The following MAP1LC3A variants were observed in gnomAD, a reference collection of about 807,000 sequenced individuals.
MAP1LC3A encodes microtubule-associated protein 1 light chain 3 alpha.
Under a neutral mutation model 15.2 loss-of-function variants are expected in MAP1LC3A, and 10 were observed. That is an observed-to-expected ratio of 0.66 (90% CI 0.41 to 1.12). The LOEUF (loss-of-function observed/expected upper bound fraction) is 1.12, where lower values mean the gene tolerates loss of function less well. Ranked by LOEUF, MAP1LC3A falls within the 50% of genes most tolerant of loss-of-function variation. The pLI is 0.00. For synonymous variants in MAP1LC3A, 63 were observed against 64.3 expected, an observed-to-expected ratio of 0.98 and a Z score of 0.10; for missense variants, 138 against 167.3, an observed-to-expected ratio of 0.82 and a Z score of 0.97.
At chr20:34,548,809 A>C (rs1251508711) in intron 1 of MAP1LC3A, among the ~76,000 whole-genome samples, 1 of 143,900 alleles carries the variant, frequency 6.9e-6, no homozygotes, top group Non-Finnish European at 1.5e-5. Context: ...GGGTTCAAGC[A>C]ATTCTCCTGC....
chr20:34,558,902 A>G lies in MAP1LC3A; in HGVS notation c.34A>G (p.Ser12Gly). The change falls in exon 1 of 4, where the codon AGC becomes GGC. Residue 12 changes from serine (S) to glycine (G), a missense_variant. By Grantham distance (56) the Ser-to-Gly change is moderately conservative (BLOSUM62 0). Transcript: ENST00000360668. This position sits in a 1 kb window ranked among gnomAD's most constrained non-coding sequence, Gnocchi z 4.3. ...PSDRPFKQRR[S>G]FADRCKEVQQ... is the part of the protein sequence containing the mutation. Reference sequence around the variant, plus strand: ...AGACCGGCCTTTCAAGCAGCGGCGGAGCTTCGGTGAGGCCCGGCAGGCGAG... The same window carrying G: ...AGACCGGCCTTTCAAGCAGCGGCGGGGCTTCGGTGAGGCCCGGCAGGCGAG... 3 of 1,410,626 alleles carry G rather than the reference A, an allele frequency of 2.1e-6. No homozygotes were observed. Among genetic ancestry groups the G allele is most frequent in the East Asian group, 3.1e-5 (1 of 32,526 alleles). 87.4% of individuals were successfully genotyped at this position (1,410,626 alleles called of 1,614,324 possible).
chr20:34,552,915 A>C (rs1982000684), intron 2 of MAP1LC3A, among the ~76,000 whole-genome samples: 1 of 152,250 alleles, frequency 6.6e-6, no homozygotes, highest in Admixed American at 6.5e-5. Flanking sequence ...GAGGCCGGGC[A>C]CAATGGCTCA....
At chr20:34,557,662 C>G (rs1405739672), upstream of MAP1LC3A, among the ~76,000 whole-genome samples, 2 of 152,192 alleles carry the variant, frequency 1.3e-5, no homozygotes, top group African/African-American at 4.8e-5. Context: ...CGTGGTGGCT[C>G]ACACCTGTAA....
At chr20:34,547,416 CCTT>C (rs1043777588) in intron 1 of MAP1LC3A, among the ~76,000 whole-genome samples, 10 of 144,810 alleles carry the variant, frequency 6.9e-5, no homozygotes, top group African/African-American at 2.6e-4. Flanking sequence ...CCGCTCCCCA[CCTT>C]TTTTTTTTTT....
chr20:34,558,749 G>A lies in MAP1LC3A; in HGVS notation c.-120G>A. On this transcript the variant is annotated 5_prime_UTR_variant, in exon 1 of 4. It adds an upstream start codon to the 5' untranslated region. Transcript: ENST00000360668. This position sits in a 1 kb window ranked among gnomAD's most constrained non-coding sequence, Gnocchi z 4.3. Reference sequence around the variant, plus strand: ...GTTACCTCCCGCAGCCGCAGCCGCCGTGCTCAGCGCGAGCCCCGGAGCCCT... The same window carrying A: ...GTTACCTCCCGCAGCCGCAGCCGCCATGCTCAGCGCGAGCCCCGGAGCCCT... 1 of 1,319,412 alleles carries A rather than the reference G, an allele frequency of 7.6e-7. No homozygotes were observed. The highest frequency in any genetic ancestry group is 9.6e-7 in the Non-Finnish European group (1 of 1,040,520). 81.7% of individuals were successfully genotyped at this position (1,319,412 alleles called of 1,614,324 possible). A position where few individuals can be genotyped will look rare whatever the true frequency, so the allele number is the denominator to read the frequency against.
intron 2 of MAP1LC3A, chr20:34,550,127 G>A (rs1465224610): frequency 6.5e-6 from 8 of 1,221,936 alleles, no homozygotes; most frequent in African/African-American, 1.5e-5. Context: ...GGGTTGCTCC[G>A]CCCGTGTGCC....
chr20:34,547,417 CT>C (rs935450076), intron 1 of MAP1LC3A, among the ~76,000 whole-genome samples: 241 of 121,064 alleles, frequency 2.0e-3, no homozygotes, highest in Middle Eastern at 0.014. Context: ...CGCTCCCCAC[CT>C]TTTTTTTTTT....
At chr20:34,558,262 T>C (rs1982233595), upstream of MAP1LC3A, 2 of 984,716 alleles carry the variant, frequency 2.0e-6, no homozygotes, top group South Asian at 4.7e-5. This position sits in a 1 kb window ranked among gnomAD's most constrained non-coding sequence, Gnocchi z 4.3. Context: ...TTTTCAAACC[T>C]GGGCGTTCAT....
chr20:34,558,541 G>A (rs1009462102), upstream of MAP1LC3A: 3 of 1,132,172 alleles, frequency 2.6e-6, no homozygotes, highest in Non-Finnish European at 3.2e-6. This position sits in a 1 kb window ranked among gnomAD's most constrained non-coding sequence, Gnocchi z 4.3. Flanking sequence ...CTCCCGCGCT[G>A]CCCATGACGT....
chr20:34,548,083 C>T (rs138747157), intron 1 of MAP1LC3A, among the ~76,000 whole-genome samples: 263 of 151,862 alleles, frequency 1.7e-3, no homozygotes, highest in African/African-American at 5.9e-3. Flanking sequence ...CTCAGGACTG[C>T]AATGGCAGGT....
intron 3 of MAP1LC3A, 54 bp from the exon 4 acceptor site, chr20:34,559,682 T>C (rs1982355467): frequency 6.5e-7 from 1 of 1,544,738 alleles, no homozygotes. Flanking sequence ...GTCAGGGCTA[T>C]GTCCGTCCCG....
rs896512886 is a variant in MAP1LC3A at position 34,559,728 on chromosome 20, G to C, written c.204-8G>C. Reference sequence around the variant, plus strand: ...CCTCACAGCTGCATACTCTCCCGCCGGCTGCAGGCGCCGCCTGCAGCTGAA... The same window carrying C: ...CCTCACAGCTGCATACTCTCCCGCCCGCTGCAGGCGCCGCCTGCAGCTGAA... On this transcript the variant is annotated splice_region_variant and splice_polypyrimidine_tract_variant and intron_variant, in intron 3 of 3. Transcript: ENST00000360668. The C allele has an allele frequency of 3.1e-6, 5 of 1,596,848 alleles. No homozygotes were observed. The highest frequency in any genetic ancestry group is 2.7e-5 in the African/African-American group (2 of 73,698).
At position 34,558,840 on chromosome 20, in the gene MAP1LC3A, C is replaced by T. The variant is rs1464586931; in HGVS notation, c.-29C>T. On this transcript the variant is annotated 5_prime_UTR_variant, in exon 1 of 4. Transcript: ENST00000360668. This position sits in a 1 kb window ranked among gnomAD's most constrained non-coding sequence, Gnocchi z 4.3. ...GACACATCCCCGCGCCCCAGAGCCC[C>T]GGCCTGCGCGCCCAGCCGGGCCCGC... The T allele has an allele frequency of 1.4e-5, 20 of 1,432,318 alleles. No individual in the cohort carries two copies. Among genetic ancestry groups the T allele is most frequent in the Non-Finnish European group, 1.7e-5 (19 of 1,099,778 alleles). 88.7% of individuals were successfully genotyped at this position (1,432,318 alleles called of 1,614,324 possible).
intron 1 of MAP1LC3A, 144 bp from the exon 2 acceptor site, chr20:34,559,064 C>T: frequency 7.5e-7 from 1 of 1,324,614 alleles, no homozygotes. Context: ...TTCCCCACCG[C>T]GATAGGTGCC....
chr20:34,558,909 G>T lies in MAP1LC3A; in HGVS notation c.40+1G>T. 7.1e-7 allele frequency: 1 copy of T among 1,405,452 alleles called. No homozygotes were observed. The highest frequency in any genetic ancestry group is 1.5e-5 in the African/African-American group (1 of 66,304). The allele number at this position is 1,405,452 out of a possible 1,614,324, so 87.1% of individuals were successfully genotyped here. ...CCTTTCAAGCAGCGGCGGAGCTTCG[G>T]TGAGGCCCGGCAGGCGAGCTGCGAG... On this transcript the variant is annotated splice_donor_variant, in intron 1 of 3. Transcript: ENST00000360668. LOFTEE classifies it high-confidence loss of function. This position sits in a 1 kb window ranked among gnomAD's most constrained non-coding sequence, Gnocchi z 4.3.
intron 1 of MAP1LC3A, chr20:34,549,777 G>T: frequency 1.9e-6 from 1 of 537,236 alleles, no homozygotes; most frequent in Non-Finnish European, 3.4e-6. Context: ...AACTGCCATG[G>T]CACTGGTGGG....
At chr20:34,549,716 T>C (rs1981875074) in intron 1 of MAP1LC3A, among the ~76,000 whole-genome samples, 1 of 152,104 alleles carries the variant, frequency 6.6e-6, no homozygotes, top group Non-Finnish European at 1.5e-5. Context: ...AACTTTTGAG[T>C]GTTGCCATGG....
chr20:34,558,535 CG>C, upstream of MAP1LC3A: 1 of 1,115,878 alleles, frequency 9.0e-7, no homozygotes, highest in Non-Finnish European at 1.1e-6. This position sits in a 1 kb window ranked among gnomAD's most constrained non-coding sequence, Gnocchi z 4.3. Context: ...GAGAAGCTCC[CG>C]CGCTGCCCAT....
At chr20:34,556,975 C>T (rs149549484), upstream of MAP1LC3A, among the ~76,000 whole-genome samples, 6 of 152,334 alleles carry the variant, frequency 3.9e-5, no homozygotes, top group East Asian at 1.2e-3. Context: ...AGTTCCTCCT[C>T]GCATCATTTC....
Sources: gnomAD v4.1 joint callset for allele counts (sites outside exome capture counted in the v4.1 genomes callset) on GRCh38, gnomAD v4.1.1 for gene constraint, Gnocchi (gnomAD v3.1) non-coding constraint, MANE v1.5 for transcripts, NCBI Gene and HGNC (gene_info 2026-07-23, HGNC 2026-07-21) for gene names.